The following CEP162 variants were observed in gnomAD, a reference collection of about 807,000 sequenced individuals.
CEP162 encodes the protein centrosomal protein 162.
Under a neutral mutation model 169.2 loss-of-function variants are expected in CEP162, and 141 were observed. That is an observed-to-expected ratio of 0.83 (90% CI 0.73 to 0.96). The LOEUF (loss-of-function observed/expected upper bound fraction) is 0.96. Among genes scored for constraint, CEP162 ranks in the 40% least tolerant of loss-of-function variants. The pLI is 0.00. For missense variants in CEP162, 1,600 were observed against 1,587.2 expected, an observed-to-expected ratio of 1.01 and a Z score of -0.14; for synonymous variants, 540 against 526.4, an observed-to-expected ratio of 1.03 and a Z score of -0.35.
At chr6:84,214,429 A>T (rs1444942148) in intron 5 of CEP162, among the ~76,000 whole-genome samples, 1 of 152,224 alleles carries the variant, frequency 6.6e-6, no homozygotes, top group Non-Finnish European at 1.5e-5. Flanking sequence ...ACACTCAGGT[A>T]CTGCCTTTGT....
intron 6 of CEP162, among the ~76,000 whole-genome samples, chr6:84,207,078 C>T (rs1004786118): frequency 7.2e-5 from 11 of 152,110 alleles, no homozygotes; most frequent in Non-Finnish European, 1.0e-4. Context: ...ACAACAGGTG[C>T]TGGAGAGGAT....
chr6:84,164,605 C>T (rs976816649), intron 18 of CEP162, among the ~76,000 whole-genome samples: 2 of 152,052 alleles, frequency 1.3e-5, no homozygotes, highest in Non-Finnish European at 2.9e-5. Context: ...AACAGAAAAC[C>T]GAACACTGCA....
chr6:84,214,785 G>A (rs1389193316), intron 5 of CEP162, among the ~76,000 whole-genome samples: 1 of 152,154 alleles, frequency 6.6e-6, no homozygotes, highest in African/African-American at 2.4e-5. Context: ...AATGGCAATG[G>A]TCTAGTGTAA....
At chr6:84,190,577 C>T (rs1046974738) in intron 11 of CEP162, among the ~76,000 whole-genome samples, 20 of 151,868 alleles carry the variant, frequency 1.3e-4, no homozygotes, top group Admixed American at 9.8e-4. Context: ...CGGGAGGGAA[C>T]GAACAACTCC....
chr6:84,173,270 T>A (rs2099530937), intron 16 of CEP162, among the ~76,000 whole-genome samples: 2 of 152,118 alleles, frequency 1.3e-5, no homozygotes, highest in African/African-American at 2.4e-5. Context: ...AATAGCTATA[T>A]CCCAATAAGG....
chr6:84,193,540 G>A (rs754689753), intron 11 of CEP162, 69 bp downstream of exon 11: 3 of 875,472 alleles, frequency 3.4e-6, no homozygotes, highest in Non-Finnish European at 5.4e-6. Context: ...TCATTCACTA[G>A]GAATGATTAC....
At chr6:84,157,543 T>A (rs1271713326) in intron 21 of CEP162, among the ~76,000 whole-genome samples, 2 of 151,990 alleles carry the variant, frequency 1.3e-5, no homozygotes, top group Non-Finnish European at 2.9e-5. Context: ...GGTGTGGTGG[T>A]ACACACCTGT....
intron 3 of CEP162, among the ~76,000 whole-genome samples, chr6:84,220,212 G>A (rs1194883984): frequency 6.6e-6 from 1 of 152,180 alleles, no homozygotes; most frequent in Non-Finnish European, 1.5e-5. Context: ...TTTCCCTAGA[G>A]ATACAGAAAT....
At chr6:84,139,181 G>A (rs1388196768) in intron 25 of CEP162, among the ~76,000 whole-genome samples, 1 of 152,162 alleles carries the variant, frequency 6.6e-6, no homozygotes, top group Non-Finnish European at 1.5e-5. Flanking sequence ...TTAGTGAAGA[G>A]GGCTCTAGAT....
Position 84,149,630 on chromosome 6 carries a change from AAAG to A in CEP162, c.3700_3702del (p.Leu1234del). ...GAAGAATTTTCTACTGCATTTTGGC[AAAG>A]GAGTTTCTCTATTTCTCTCTGATGA... On this transcript the variant is annotated inframe_deletion, in exon 24 of 27. Transcript: ENST00000403245. 6.2e-7 allele frequency: 1 copy of A among 1,605,880 alleles called. No homozygotes were observed. The highest frequency in any genetic ancestry group is 1.3e-5 in the African/African-American group (1 of 74,764).
intron 2 of CEP162, among the ~76,000 whole-genome samples, chr6:84,225,699 G>C (rs1299829351): frequency 1.4e-5 from 2 of 146,788 alleles, no homozygotes; most frequent in Admixed American, 6.6e-5. Flanking sequence ...ACCCATACAA[G>C]AAAAATAATT....
chr6:84,219,148 G>A, intron 3 of CEP162: 1 of 1,288,902 alleles, frequency 7.8e-7, no homozygotes, highest in Non-Finnish European at 1.0e-6. Context: ...GAGGAGTGTT[G>A]AATTCTCCCT....
chr6:84,166,569 C>T (rs1250486389), intron 18 of CEP162, among the ~76,000 whole-genome samples: 5 of 152,116 alleles, frequency 3.3e-5, no homozygotes, highest in Non-Finnish European at 5.9e-5. Flanking sequence ...GTCTTATTTA[C>T]CTACTACATT....
At chr6:84,146,495 A>G (rs750176783) in intron 25 of CEP162, among the ~76,000 whole-genome samples, 192 bp downstream of exon 25, 2 of 152,092 alleles carry the variant, frequency 1.3e-5, no homozygotes, top group African/African-American at 4.8e-5. Context: ...AACATAGACA[A>G]CTTAATGACT....
At chr6:84,185,151 G>T in intron 13 of CEP162, 36 bp downstream of exon 13, 1 of 1,522,494 alleles carries the variant, frequency 6.6e-7, no homozygotes, top group Non-Finnish European at 9.0e-7. Context: ...AGCAAAGAAA[G>T]TAAAACAATA....
Position 84,149,579 on chromosome 6 carries a change from T to C in CEP162, c.3754A>G (p.Lys1252Glu). The C allele has an allele frequency of 6.3e-7, 1 of 1,594,566 alleles. No homozygotes were observed. Among genetic ancestry groups the C allele is most frequent in the Non-Finnish European group, 8.5e-7 (1 of 1,171,338 alleles). The change falls in exon 24 of 27, where the codon AAA (lysine) becomes GAA (glutamate). Residue 1252 changes from lysine to glutamate, a missense_variant. Lys to Glu is a moderately conservative substitution (Grantham distance 56). Coordinates refer to ENST00000403245, the MANE Select transcript of CEP162 (RefSeq NM_014895.4). The stretch of plus-strand genomic sequence containing the variant: ...TCATCTACCTCTTGAGTTGCTATTT[T>C]ACGATTTAGTTCAGCTACTTTGGAA... ...SSSKVAELNR[K>E]IATQEVLIRH...
intron 6 of CEP162, among the ~76,000 whole-genome samples, chr6:84,205,780 G>A (rs565331148): frequency 6.6e-6 from 1 of 151,824 alleles, no homozygotes; most frequent in South Asian, 2.1e-4. Context: ...AAGTCAAATT[G>A]TCCCTGTTTG....
intron 13 of CEP162, 139 bp from the exon 14 acceptor site, chr6:84,175,486 C>T: frequency 3.6e-6 from 2 of 561,504 alleles, no homozygotes; most frequent in South Asian, 2.8e-5. Flanking sequence ...TACACTATAA[C>T]ACAGCTGTTT....
At position 84,175,255 on chromosome 6, in the gene CEP162, C is replaced by A. The variant is rs1011654693; in HGVS notation, c.1756G>T (p.Glu586Ter). The A allele has an allele frequency of 4.6e-5, 71 of 1,544,332 alleles. No individual in the cohort carries two copies. Among genetic ancestry groups the A allele is most frequent in the Non-Finnish European group, 6.2e-5 (71 of 1,142,952 alleles). Residue 586 changes from glutamate (E) to a stop codon, truncating the protein, a stop_gained, in exon 14 of 27, where the codon GAA becomes TAA. Transcript: ENST00000403245. LOFTEE classifies it high-confidence loss of function. ...ESCLSTRKKS[E>*]NPTETDSCIQ... The stretch of plus-strand genomic sequence containing the variant: ...CAGGAATCAGTTTCTGTGGGATTTT[C>A]AGACTTCTTACGAGTAGACAGGCAA...
Sources: gnomAD v4.1 joint callset for allele counts (sites outside exome capture counted in the v4.1 genomes callset) on GRCh38, gnomAD v4.1.1 for gene constraint, MANE v1.5 for transcripts, NCBI Gene and HGNC (gene_info 2026-07-23, HGNC 2026-07-21) for gene names.